RIMS1: variants seen among roughly 807,000 people sequenced by gnomAD.
The protein encoded by RIMS1 is regulating synaptic membrane exocytosis protein 1.
A neutral mutation model predicts 214.1 loss-of-function variants in RIMS1; 83 were observed. The observed-to-expected ratio is 0.39, with a 90% CI of 0.32 to 0.47. The LOEUF (loss-of-function observed/expected upper bound fraction) is 0.47. Among genes scored for constraint, RIMS1 ranks in the 20% least tolerant of loss-of-function variants. The pLI, the probability that RIMS1 is intolerant of heterozygous loss-of-function variation, is 0.99. For synonymous variants in RIMS1, 793 were observed against 786.8 expected (o/e 1.01, Z -0.13); for missense variants, 2,050 against 2,161.8 (o/e 0.95, Z 1.03).
chr6:72,166,785 C>T (rs979437295), intron 4 of RIMS1, among the ~76,000 whole-genome samples: 1 of 151,212 alleles, frequency 6.6e-6, no homozygotes, highest in Non-Finnish European at 1.5e-5. Flanking sequence ...TGTTTATTGA[C>T]TTAGTATCTT....
chr6:72,090,191 G>C (rs1264579676), intron 2 of RIMS1, among the ~76,000 whole-genome samples: 1 of 152,010 alleles, frequency 6.6e-6, no homozygotes, highest in African/African-American at 2.4e-5. Flanking sequence ...TTTTTTTATA[G>C]AGATTGGGTC....
At chr6:71,947,273 A>G (rs1178806027) in intron 1 of RIMS1, among the ~76,000 whole-genome samples, 1 of 152,172 alleles carries the variant, frequency 6.6e-6, no homozygotes, top group Admixed American at 6.5e-5. Flanking sequence ...TTGAAACATT[A>G]TTCACAATAG....
intron 4 of RIMS1, among the ~76,000 whole-genome samples, chr6:72,129,464 TG>T (rs2040109710): frequency 6.6e-6 from 1 of 152,192 alleles, no homozygotes; most frequent in Admixed American, 6.5e-5. Flanking sequence ...TAGATTTTTT[TG>T]CTTACTTGTA....
chr6:72,353,765 G>GTAC (rs2097541093), intron 29 of RIMS1, among the ~76,000 whole-genome samples: 1 of 152,136 alleles, frequency 6.6e-6, no homozygotes, highest in South Asian at 2.1e-4. Context: ...TAACAGGCAT[G>GTAC]TACATTTATA....
At chr6:72,068,659 C>G (rs758396289) in intron 2 of RIMS1, among the ~76,000 whole-genome samples, 9 of 152,042 alleles carry the variant, frequency 5.9e-5, no homozygotes, top group Non-Finnish European at 1.2e-4. Flanking sequence ...CGTGGTGGCT[C>G]ATGCCTGTAA....
At chr6:72,148,616 G>A (rs1473637200) in intron 4 of RIMS1, 2 of 456,816 alleles carry the variant, frequency 4.4e-6, no homozygotes. Flanking sequence ...CTCCTTCCAT[G>A]AAGTGGGGAG....
chr6:71,890,596 A>AAAC (rs1554194854), intron 1 of RIMS1, among the ~76,000 whole-genome samples: 2,681 of 112,818 alleles, frequency 0.024, 621 homozygotes, highest in African/African-American at 0.09. Flanking sequence ...AAAAAAAAAA[A>AAAC]ACTTCATAGA....
intron 26 of RIMS1, 78 bp downstream of exon 26, chr6:72,292,124 G>A: frequency 1.1e-6 from 1 of 880,136 alleles, no homozygotes; most frequent in Non-Finnish European, 1.7e-6. Flanking sequence ...TTTATTAAAT[G>A]AATAGTATTT....
Position 72,216,731 on chromosome 6 carries a change from C to G in RIMS1, c.1679-17042C>G, listed in dbSNP as rs944097800. The G allele has an allele frequency of 1.9e-5, 19 of 986,004 alleles. No individual in the cohort carries two copies. In the African/African-American group the frequency reaches 2.8e-4, roughly 15 times the overall value. The allele number at this position is 986,004 out of a possible 1,614,324, so 61.1% of individuals were successfully genotyped here. On this transcript the variant is annotated intron_variant, in intron 6 of 33. Transcript: ENST00000521978. ...AGTGTCAGTGGGAACAAGATGAGCT[C>G]CTGAACATTTGCCTGAGTCTTTTCT...
At chr6:72,288,122 AAG>A (rs1431405397) in intron 24 of RIMS1, among the ~76,000 whole-genome samples, 5 of 152,270 alleles carry the variant, frequency 3.3e-5, no homozygotes, top group South Asian at 4.1e-4. Context: ...CTAGACAGAA[AAG>A]AGAGCAAGCA....
chr6:72,208,579 C>A (rs2053306763), intron 6 of RIMS1, among the ~76,000 whole-genome samples: 1 of 152,122 alleles, frequency 6.6e-6, no homozygotes, highest in Non-Finnish European at 1.5e-5. Context: ...AAGCTTGAGG[C>A]TGAAATTGTC....
chr6:72,082,806 A>G (rs1833734330), intron 2 of RIMS1, among the ~76,000 whole-genome samples: 1 of 152,172 alleles, frequency 6.6e-6, no homozygotes, highest in Non-Finnish European at 1.5e-5. Flanking sequence ...GGGTGAGCAC[A>G]AACTTTACCA....
At chr6:72,366,595 T>A in intron 29 of RIMS1, 1 of 690,524 alleles carries the variant, frequency 1.4e-6, no homozygotes, top group African/African-American at 1.9e-5. Context: ...TTACACTTCA[T>A]GGTCTTACAA....
intron 26 of RIMS1, among the ~76,000 whole-genome samples, chr6:72,296,449 C>T (rs1225671643): frequency 2.6e-5 from 4 of 151,890 alleles, no homozygotes; most frequent in Admixed American, 6.6e-5. Flanking sequence ...CTAAATGTTA[C>T]TTCTGTTTGC....
At chr6:71,893,345 C>T (rs1314452222) in intron 1 of RIMS1, among the ~76,000 whole-genome samples, 1 of 151,612 alleles carries the variant, frequency 6.6e-6, no homozygotes, top group Non-Finnish European at 1.5e-5. Flanking sequence ...CATTAAATAG[C>T]TCGTACATGT....
At chr6:72,032,824 T>G (rs1758898935) in intron 2 of RIMS1, among the ~76,000 whole-genome samples, 1 of 152,140 alleles carries the variant, frequency 6.6e-6, no homozygotes, top group African/African-American at 2.4e-5. Flanking sequence ...GTGGCATAAC[T>G]CCTATTCTCA....
chr6:72,389,632 G>T (rs1335712435), intron 29 of RIMS1, among the ~76,000 whole-genome samples: 1 of 152,118 alleles, frequency 6.6e-6, no homozygotes, highest in Non-Finnish European at 1.5e-5. Context: ...ATGTAATTAT[G>T]TATATAGAGC....
chr6:72,075,152 G>A (rs1831482841), intron 2 of RIMS1, among the ~76,000 whole-genome samples: 1 of 152,048 alleles, frequency 6.6e-6, no homozygotes, highest in African/African-American at 2.4e-5. Flanking sequence ...TGCAATCACA[G>A]CTCACTGCAG....
chr6:72,377,084 A>T (rs1431983627), intron 29 of RIMS1, among the ~76,000 whole-genome samples: 1 of 152,214 alleles, frequency 6.6e-6, no homozygotes, highest in Non-Finnish European at 1.5e-5. Flanking sequence ...CTTGACAAAA[A>T]TATCTTTTTA....
Sources: gnomAD v4.1 joint callset for allele counts (sites outside exome capture counted in the v4.1 genomes callset) on GRCh38, gnomAD v4.1.1 for gene constraint, MANE v1.5 for transcripts, NCBI Gene and HGNC (gene_info 2026-07-23, HGNC 2026-07-21) for gene names.